The following SLC2A5 variants were observed in gnomAD, a reference collection of about 807,000 sequenced individuals.
SLC2A5 encodes the protein solute carrier family 2 member 5, also known as solute carrier family 2, facilitated glucose transporter member 5.
In SLC2A5, 56 loss-of-function variants were observed where a neutral mutation model predicts 50.3. The ratio of observed to expected loss-of-function variants is 1.11; its 90% confidence interval spans 0.90 to 1.39. SLC2A5 has a LOEUF of 1.39. SLC2A5 is among the 40% of genes most tolerant of loss of function. SLC2A5 has a pLI of 0.00. For synonymous variants in SLC2A5, 269 were observed against 281.9 expected, an observed-to-expected ratio of 0.95 and a Z score of 0.46; for missense variants, 566 against 650.1, an observed-to-expected ratio of 0.87 and a Z score of 1.41.
intron 5 of SLC2A5, chr1:9,041,448 A>G (rs1371845827): frequency 7.8e-7 from 1 of 1,284,302 alleles, no homozygotes; most frequent in Non-Finnish European, 9.8e-7. Flanking sequence ...GGTCCGCCCC[A>G]AGCACAGAGC....
At position 9,058,150 on chromosome 1, in the gene SLC2A5, A is replaced by G; in HGVS notation, c.132+2T>C. The G allele has an allele frequency of 6.2e-7, 1 of 1,606,962 alleles. No homozygotes were observed. Among genetic ancestry groups the G allele is most frequent in the Non-Finnish European group, 8.5e-7 (1 of 1,173,556 alleles). The stretch of plus-strand genomic sequence containing the variant: ...CACATCTTGCTCACCACAGTGACCT[A>G]CCAGTGCTGGGGAGTTGACAGCAGC... On this transcript the variant is annotated splice_donor_variant, in intron 2 of 11. Coordinates refer to ENST00000377424, the MANE Select transcript of SLC2A5 (RefSeq NM_003039.3). LOFTEE classifies it high-confidence loss of function.
At chr1:9,057,660 A>T in intron 2 of SLC2A5, 52 bp from the exon 3 acceptor site, 1 of 1,538,174 alleles carries the variant, frequency 6.5e-7, no homozygotes, top group Non-Finnish European at 9.0e-7. Context: ...CGGTTTTGCA[A>T]GAAGAACATT....
chr1:9,035,989 G>GTA lies in SLC2A5; in HGVS notation c.*1596_*1597insTA. ...CCATGATTCAATTATCTCCCACAGG[G>GTA]TCCCTCCCAGAACACATGGGAATTA... On this transcript the variant is annotated 3_prime_UTR_variant, in exon 12 of 12. Coordinates refer to ENST00000377424, the MANE Select transcript of SLC2A5 (RefSeq NM_003039.3). 6.6e-6 allele frequency: 1 copy of GTA among 152,132 alleles called. No homozygotes were observed. 9.4% of individuals were successfully genotyped at this position (152,132 alleles called of 1,614,324 possible). A position where few individuals can be genotyped will look rare whatever the true frequency, so the allele number is the denominator to read the frequency against.
At chr1:9,039,499 TG>T in intron 8 of SLC2A5, 52 bp downstream of exon 8, 2 of 1,348,898 alleles carry the variant, frequency 1.5e-6, no homozygotes, top group African/African-American at 1.5e-5. Flanking sequence ...GGCTGGGGCG[TG>T]GGGCCCGAGG....
At position 9,040,259 on chromosome 1, in the gene SLC2A5, G is replaced by C; in HGVS notation, c.572-70C>G. On this transcript the variant is annotated intron_variant, in intron 5 of 11. Coordinates refer to ENST00000377424, the MANE Select transcript of SLC2A5 (RefSeq NM_003039.3). This position sits in a 1 kb window ranked among gnomAD's most constrained non-coding sequence, Gnocchi z 4.3. ...CCCGAAGGCGCCCTCTGCAGAGCCG[G>C]CCCCAGCCCCGTCATCCTGAGTGGG... 1.3e-6 allele frequency: 2 copies of C among 1,506,200 alleles called. No individual in the cohort carries two copies. The highest frequency in any genetic ancestry group is 1.8e-6 in the Non-Finnish European group (2 of 1,132,134). The allele number at this position is 1,506,200 out of a possible 1,614,324, so 93.3% of individuals were successfully genotyped here. A position where few individuals can be genotyped will look rare whatever the true frequency, so the allele number is the denominator to read the frequency against.
At position 9,037,337 on chromosome 1, in the gene SLC2A5, G is replaced by T. The variant is rs1319288518; in HGVS notation, c.*249C>A. On this transcript the variant is annotated 3_prime_UTR_variant, in exon 12 of 12. Coordinates refer to ENST00000377424, the MANE Select transcript of SLC2A5 (RefSeq NM_003039.3). ...GCCACACGAAGGCTGAACCAGCAAAGTGGAGGACCAGCTGTTTAATTGACT... is the reference window on the plus strand; with the variant it reads ...GCCACACGAAGGCTGAACCAGCAAATTGGAGGACCAGCTGTTTAATTGACT... The T allele has an allele frequency of 8.3e-6, 4 of 479,202 alleles. No homozygotes were observed. Among genetic ancestry groups the T allele is most frequent in the Non-Finnish European group, 1.5e-5 (4 of 262,824 alleles). 29.7% of individuals were successfully genotyped at this position (479,202 alleles called of 1,614,324 possible).
chr1:9,070,037 G>A (rs551090971), upstream of SLC2A5, among the ~76,000 whole-genome samples: 5 of 148,002 alleles, frequency 3.4e-5, no homozygotes, highest in East Asian at 6.0e-4. Context: ...CCAAGTCACC[G>A]TGTAATACTG....
chr1:9,053,592 G>C (rs955933739), intron 3 of SLC2A5, among the ~76,000 whole-genome samples: 2 of 121,260 alleles, frequency 1.6e-5, no homozygotes, highest in Admixed American at 2.2e-4. Context: ...TTTTTAAATA[G>C]GCAGGGCACA....
intron 3 of SLC2A5, among the ~76,000 whole-genome samples, chr1:9,053,270 TTA>T (rs1557670185): frequency 9.0e-5 from 1 of 11,086 alleles, no homozygotes; most frequent in African/African-American, 4.8e-4. Context: ...TATATTTATA[TTA>T]TATATTTATA....
At chr1:9,082,832 G>C (rs1382644084) in intron 2 of SLC2A5, 4 of 403,876 alleles carry the variant, frequency 9.9e-6, no homozygotes, top group Non-Finnish European at 1.9e-5. Flanking sequence ...AACAGCTGTG[G>C]GCATTCTAGC....
chr1:9,059,514 G>C (rs553380535), intron 1 of SLC2A5, among the ~76,000 whole-genome samples: 55 of 142,556 alleles, frequency 3.9e-4, no homozygotes, highest in Non-Finnish European at 6.3e-4. Context: ...ACTATCCCAC[G>C]GTATCTAAAT....
intron 1 of SLC2A5, among the ~76,000 whole-genome samples, chr1:9,059,372 T>C (rs1246936514): frequency 6.6e-6 from 1 of 151,192 alleles, no homozygotes; most frequent in Non-Finnish European, 1.5e-5. Flanking sequence ...CTCAATCTCC[T>C]GACCTCGTGA....
chr1:9,038,394 G>A (rs372773774), intron 10 of SLC2A5, 37 bp downstream of exon 10: 3 of 1,480,002 alleles, frequency 2.0e-6, no homozygotes, highest in South Asian at 1.1e-5. Flanking sequence ...GGACCAGGGG[G>A]GGTTGTGACA....
At chr1:9,042,447 CTGTG>C (rs775266853) in intron 4 of SLC2A5, among the ~76,000 whole-genome samples, 2 of 147,762 alleles carry the variant, frequency 1.4e-5, no homozygotes. Context: ...TATATATGGC[CTGTG>C]TGTATTTACA....
chr1:9,082,335 AAAGGGGG>A (rs1642364163), intron 2 of SLC2A5, among the ~76,000 whole-genome samples: 2 of 152,212 alleles, frequency 1.3e-5, no homozygotes, highest in Non-Finnish European at 2.9e-5. Context: ...TACATAGCCA[AAAGGGGG>A]AAACAGCCAA....
chr1:9,091,242 C>T (rs1399514685), upstream of SLC2A5, among the ~76,000 whole-genome samples: 7 of 152,134 alleles, frequency 4.6e-5, no homozygotes, highest in Admixed American at 4.6e-4. Context: ...TAAAACATGC[C>T]TTATTACAGG....
Position 9,037,599 on chromosome 1 carries a change from G to C in SLC2A5, c.1493C>G (p.Thr498Ser). ...TCCTCTCCAGAGTCACTGTTCCGAA[G>C]TGACAGGTGGAAGCTCTTTCAGTTC... The part of the protein sequence containing the change: ...KEELKELPPV[T>S]SEQ Residue 498 changes from threonine (T) to serine (S), a missense_variant, in exon 12 of 12, where the codon ACT (threonine) becomes AGT (serine). Coordinates refer to ENST00000377424, the MANE Select transcript of SLC2A5 (RefSeq NM_003039.3). 6.2e-7 allele frequency: 1 copy of C among 1,613,952 alleles called. No homozygotes were observed.
intron 1 of SLC2A5, among the ~76,000 whole-genome samples, chr1:9,063,681 C>CTTTTTTTTTTTTT: frequency 2.2e-5 from 1 of 45,144 alleles, no homozygotes; most frequent in Non-Finnish European, 3.7e-5. Context: ...CTATTATTTA[C>CTTTTTTTTTTTTT]TTTTTTTTTT....
intron 3 of SLC2A5, among the ~76,000 whole-genome samples, chr1:9,053,138 T>G (rs1237583752): frequency 9.7e-6 from 1 of 103,170 alleles, no homozygotes; most frequent in African/African-American, 4.2e-5. Context: ...TACATATATT[T>G]ATATGTTAAT....
Sources: allele counts gnomAD v4.1 joint callset (sites outside exome capture counted in the v4.1 genomes callset), GRCh38; gene constraint gnomAD v4.1.1; non-coding constraint Gnocchi (gnomAD v3.1); transcripts MANE v1.5; gene names NCBI Gene and HGNC (gene_info 2026-07-23, HGNC 2026-07-21).